Variants in LPAR3 observed in about 807,000 individuals in gnomAD.
LPAR3 encodes LPA receptor 3.
A neutral mutation model predicts 17.8 loss-of-function variants in LPAR3; 7 were observed. The observed-to-expected ratio is 0.39, with a 90% CI of 0.22 to 0.74. LPAR3 has a LOEUF of 0.74. Ranked by LOEUF, LPAR3 falls within the 30% of genes least tolerant of loss-of-function variation. LPAR3 has a pLI of 0.40. For missense variants in LPAR3, 391 were observed against 453.4 expected, an observed-to-expected ratio of 0.86 and a Z score of 1.25; for synonymous variants, 179 against 179.9, an observed-to-expected ratio of 0.99 and a Z score of 0.04.
intron 1 of LPAR3, among the ~76,000 whole-genome samples, chr1:84,867,609 C>T (rs895894636): frequency 6.6e-5 from 10 of 151,256 alleles, no homozygotes; most frequent in Non-Finnish European, 1.5e-4. Flanking sequence ...TGCTTTTTGG[C>T]CATAGCAAAT....
intron 2 of LPAR3, among the ~76,000 whole-genome samples, chr1:84,826,512 C>A (rs922294489): frequency 3.3e-5 from 5 of 151,790 alleles, no homozygotes; most frequent in Admixed American, 2.0e-4. Flanking sequence ...TATAATGCAG[C>A]TAACACCCCT....
intron 2 of LPAR3, among the ~76,000 whole-genome samples, chr1:84,849,668 C>A (rs1427200098): frequency 2.0e-5 from 3 of 152,106 alleles, no homozygotes; most frequent in Non-Finnish European, 2.9e-5. Flanking sequence ...AGGTCTCTGC[C>A]ACGTAGCACC....
At chr1:84,836,351 A>AAC (rs1659405171) in intron 2 of LPAR3, among the ~76,000 whole-genome samples, 1 of 151,286 alleles carries the variant, frequency 6.6e-6, no homozygotes, top group African/African-American at 2.4e-5. Flanking sequence ...AAAAAAAAAA[A>AAC]AAAAAACCCA....
chr1:84,851,488 C>T (rs1279194133), intron 2 of LPAR3, among the ~76,000 whole-genome samples: 4 of 152,194 alleles, frequency 2.6e-5, no homozygotes, highest in East Asian at 1.9e-4. Flanking sequence ...AGCTCACAGT[C>T]GGGTAAGAGA....
At chr1:84,832,587 G>A (rs1659306476) in intron 2 of LPAR3, among the ~76,000 whole-genome samples, 1 of 152,144 alleles carries the variant, frequency 6.6e-6, no homozygotes, top group Admixed American at 6.5e-5. Flanking sequence ...GGGAAAAGGA[G>A]TATTCTCAAT....
At chr1:84,831,083 TA>T (rs971169417) in intron 2 of LPAR3, among the ~76,000 whole-genome samples, 28 of 151,978 alleles carry the variant, frequency 1.8e-4, no homozygotes, top group African/African-American at 5.8e-4. Flanking sequence ...ATTTGTAGTT[TA>T]AAAAAAAATT....
intron 2 of LPAR3, among the ~76,000 whole-genome samples, chr1:84,824,946 G>A (rs1428098899): frequency 6.6e-6 from 1 of 152,142 alleles, no homozygotes; most frequent in Non-Finnish European, 1.5e-5. Flanking sequence ...TACACCTAGT[G>A]GTGTTTAATA....
At chr1:84,838,798 C>T (rs1313991318) in intron 2 of LPAR3, among the ~76,000 whole-genome samples, 1 of 152,186 alleles carries the variant, frequency 6.6e-6, no homozygotes, top group African/African-American at 2.4e-5. Context: ...GTGTTCATGA[C>T]TTCTCCCCGA....
At chr1:84,831,599 C>G (rs1412024909) in intron 2 of LPAR3, among the ~76,000 whole-genome samples, 1 of 151,758 alleles carries the variant, frequency 6.6e-6, no homozygotes, top group Non-Finnish European at 1.5e-5. Context: ...TTGACTTACT[C>G]ATCTCATTTG....
chr1:84,835,742 G>A (rs765352561), intron 2 of LPAR3, among the ~76,000 whole-genome samples: 9 of 152,044 alleles, frequency 5.9e-5, no homozygotes, highest in Non-Finnish European at 1.3e-4. Flanking sequence ...CTAGATTGAC[G>A]TCAATCTTGT....
chr1:84,840,475 T>C (rs934669885), intron 2 of LPAR3, among the ~76,000 whole-genome samples: 6 of 152,134 alleles, frequency 3.9e-5, no homozygotes, highest in African/African-American at 1.2e-4. Flanking sequence ...AAACCAACAA[T>C]GGCAGATGAA....
chr1:84,821,544 T>G (rs1394057197), intron 2 of LPAR3, among the ~76,000 whole-genome samples: 1 of 152,180 alleles, frequency 6.6e-6, no homozygotes, highest in Non-Finnish European at 1.5e-5. Flanking sequence ...GCTGCCTGCT[T>G]AATATTCTGA....
intron 2 of LPAR3, among the ~76,000 whole-genome samples, chr1:84,834,734 A>C (rs1433527727): frequency 6.6e-6 from 1 of 152,192 alleles, no homozygotes; most frequent in Non-Finnish European, 1.5e-5. Flanking sequence ...TAAATCTCAT[A>C]AACTGTTTTT....
intron 2 of LPAR3, among the ~76,000 whole-genome samples, chr1:84,844,840 G>A (rs573930083): frequency 1.3e-5 from 2 of 152,222 alleles, no homozygotes; most frequent in East Asian, 3.9e-4. Flanking sequence ...TTATTTGCAG[G>A]GAAAGTGTCT....
intron 1 of LPAR3, among the ~76,000 whole-genome samples, chr1:84,885,606 G>T (rs1660446326): frequency 6.6e-6 from 1 of 152,174 alleles, no homozygotes; most frequent in Admixed American, 6.5e-5. Context: ...AATGCAACGT[G>T]AGGCTGGGGA....
intron 1 of LPAR3, among the ~76,000 whole-genome samples, chr1:84,884,890 TGGTCC>T (rs1006380994): frequency 6.6e-4 from 100 of 152,360 alleles, no homozygotes; most frequent in African/African-American, 2.3e-3. Flanking sequence ...CAAGTTCCAC[TGGTCC>T]TGTTGTAGTG....
intron 2 of LPAR3, among the ~76,000 whole-genome samples, chr1:84,824,356 C>T (rs1053109274): frequency 6.6e-6 from 1 of 152,150 alleles, no homozygotes; most frequent in Admixed American, 6.5e-5. Flanking sequence ...ATCCTCCACT[C>T]ATGATTAAGA....
At chr1:84,852,076 G>A (rs1659725267) in intron 2 of LPAR3, among the ~76,000 whole-genome samples, 1 of 147,654 alleles carries the variant, frequency 6.8e-6, no homozygotes, top group African/African-American at 2.5e-5. Context: ...TTTTGAGTTG[G>A]AGTCTCGCTC....
At position 84,830,246 on chromosome 1, in the gene LPAR3, C is replaced by A. The variant is rs1057142800; in HGVS notation, c.737-16075G>T. On this transcript the variant is annotated intron_variant, in intron 2 of 2. Transcript: ENST00000370611. ...ACTTGCCAAGTATTGAGTATCTGAACTCCTTGGTAATTATACTTCCTCTGT... is the reference window on the plus strand; with the variant it reads ...ACTTGCCAAGTATTGAGTATCTGAAATCCTTGGTAATTATACTTCCTCTGT... Among the ~76,000 whole-genome samples the A allele has an allele frequency of 3.3e-5, 5 of 152,144 alleles. No individual in the cohort carries two copies. In the South Asian group the frequency reaches 8.3e-4, roughly 25 times the overall value.
Sources: gnomAD v4.1 joint callset for allele counts (sites outside exome capture counted in the v4.1 genomes callset) on GRCh38, gnomAD v4.1.1 for gene constraint, MANE v1.5 for transcripts, NCBI Gene and HGNC (gene_info 2026-07-23, HGNC 2026-07-21) for gene names.